The following EPN2 variants were observed in gnomAD, a reference collection of about 807,000 sequenced individuals.
EPN2 encodes the protein epsin 2.
A neutral mutation model predicts 61.7 loss-of-function variants in EPN2; 34 were observed. The ratio of observed to expected loss-of-function variants is 0.55; its 90% CI spans 0.42 to 0.73. EPN2 has a LOEUF of 0.73. Ranked by LOEUF, EPN2 falls within the 30% of genes least tolerant of loss-of-function variation. The pLI, the probability that EPN2 is intolerant of heterozygous loss-of-function variation, is 0.00. For synonymous variants in EPN2, 349 were observed against 353.6 expected, an observed-to-expected ratio of 0.99 and a Z score of 0.15; for missense variants, 714 against 839.2, an observed-to-expected ratio of 0.85 and a Z score of 1.84.
At chr17:19,255,872 C>T (rs2152205199) in intron 1 of EPN2, among the ~76,000 whole-genome samples, 1 of 151,154 alleles carries the variant, frequency 6.6e-6, no homozygotes, top group East Asian at 2.0e-4. Flanking sequence ...ATCCTTCTGT[C>T]TCGGCCCCCC....
intron 5 of EPN2, 26 bp downstream of exon 5, chr17:19,310,023 T>C: frequency 6.7e-7 from 1 of 1,484,586 alleles, no homozygotes; most frequent in Non-Finnish European, 9.3e-7. Flanking sequence ...AGGTCTGCAC[T>C]GCATTGACTG....
At chr17:19,300,892 AC>A (rs993722832) in intron 4 of EPN2, among the ~76,000 whole-genome samples, 1 of 151,736 alleles carries the variant, frequency 6.6e-6, no homozygotes, top group Non-Finnish European at 1.5e-5. Flanking sequence ...AAACGGATGG[AC>A]CCCCTGCCCT....
intron 1 of EPN2, among the ~76,000 whole-genome samples, chr17:19,278,533 C>A (rs1440689390): frequency 1.3e-5 from 2 of 152,150 alleles, no homozygotes. Flanking sequence ...AAAGACTGGC[C>A]CGCATAATTC....
intron 7 of EPN2, among the ~76,000 whole-genome samples, chr17:19,316,893 T>C (rs1906410560): frequency 6.6e-6 from 1 of 152,254 alleles, no homozygotes; most frequent in African/African-American, 2.4e-5. Context: ...GTTGACCAGC[T>C]CTGCAGGAGA....
At chr17:19,326,459 G>C (rs1362662263) in intron 7 of EPN2, among the ~76,000 whole-genome samples, 2 of 152,076 alleles carry the variant, frequency 1.3e-5, no homozygotes, top group Non-Finnish European at 2.9e-5. Flanking sequence ...GGCCAAGGCG[G>C]GCAGATCACA....
Position 19,285,926 on chromosome 17 carries a change from G to T in EPN2, c.766+136G>T. On this transcript the variant is annotated intron_variant, in intron 4 of 10. Coordinates refer to ENST00000314728, the MANE Select transcript of EPN2 (RefSeq NM_014964.5). The surrounding 1 kb of genome is among the most constrained non-coding windows in gnomAD (Gnocchi z 4.5). ...GGTTTGGCCTCCAGCAGGCCCAGGA[G>T]CCCTTTCTTCCTCTCTCCTGGGAGC... The T allele has an allele frequency of 7.1e-7, 1 of 1,400,512 alleles. No homozygotes were observed. 86.8% of individuals were successfully genotyped at this position (1,400,512 alleles called of 1,614,324 possible). A position where few individuals can be genotyped will look rare whatever the true frequency, so the allele number is the denominator to read the frequency against.
chr17:19,279,656 T>C (rs1038263598), intron 1 of EPN2, among the ~76,000 whole-genome samples: 1 of 151,674 alleles, frequency 6.6e-6, no homozygotes, highest in African/African-American at 2.4e-5. Flanking sequence ...AGGATGGTCT[T>C]GATCTCCTGA....
At chr17:19,273,199 C>T (rs528285098) in intron 1 of EPN2, 1 of 152,330 alleles carries the variant, frequency 6.6e-6, no homozygotes, top group African/African-American at 2.4e-5. Context: ...TACTCCCCTT[C>T]AGGAGCCTCT....
chr17:19,244,229 C>T (rs766953336), intron 1 of EPN2, among the ~76,000 whole-genome samples: 8 of 152,118 alleles, frequency 5.3e-5, no homozygotes, highest in African/African-American at 7.2e-5. Flanking sequence ...GAGGCTGAGG[C>T]TGGTGGATCA....
intron 7 of EPN2, among the ~76,000 whole-genome samples, chr17:19,327,725 A>G (rs767840711): frequency 3.9e-5 from 6 of 152,188 alleles, no homozygotes; most frequent in Non-Finnish European, 5.9e-5. Flanking sequence ...TACATAATAT[A>G]TATGTGTGTG....
At chr17:19,317,974 A>G (rs978730262) in intron 7 of EPN2, among the ~76,000 whole-genome samples, 3 of 152,204 alleles carry the variant, frequency 2.0e-5, no homozygotes, top group African/African-American at 7.2e-5. Flanking sequence ...GCACACAGCA[A>G]AGAAGGAGGT....
In EPN2 at chr17:19,284,620, C is replaced by T. The variant is rs375713526; in HGVS notation, c.595+906C>T. Among the ~76,000 whole-genome samples the T allele has an allele frequency of 2.6e-5, 4 of 152,306 alleles. No homozygotes were observed. The South Asian group carries it at 8.3e-4, about 32-fold the overall frequency. On this transcript the variant is annotated intron_variant, in intron 3 of 10. Coordinates refer to ENST00000314728, the MANE Select transcript of EPN2 (RefSeq NM_014964.5). ...GTGCAGATCCCTAGTAACACTATGT[C>T]AGCATAGCAGAAAACTTCTTTTTAA...
chr17:19,279,157 C>T (rs1717046803), intron 1 of EPN2, among the ~76,000 whole-genome samples: 1 of 152,228 alleles, frequency 6.6e-6, no homozygotes, highest in Non-Finnish European at 1.5e-5. Context: ...GAGAAAGCCC[C>T]TGCCTTGGTC....
rs199887915 is a variant in EPN2, at chr17:19,283,386, C to T, written c.267C>T (p.Ser89=). The change falls in exon 3 of 11, where the codon TCC becomes TCT. Residue 89 remains serine, a synonymous_variant. Coordinates refer to ENST00000314728, the MANE Select transcript of EPN2 (RefSeq NM_014964.5). This position sits in a 1 kb window ranked among gnomAD's most constrained non-coding sequence, Gnocchi z 7.0. ...TLLDYLIKTG[S]ERVAQQCREN... ...TGGACTACCTCATCAAGACAGGCTC[C>T]GAACGTGTGGCCCAGCAGTGCCGGG... 7.2e-5 allele frequency: 117 copies of T among 1,614,138 alleles called. No individual in the cohort carries two copies. The East Asian group carries it at 2.4e-3, about 33-fold the overall frequency.
intron 1 of EPN2, among the ~76,000 whole-genome samples, chr17:19,250,014 CT>C (rs2044996597): frequency 6.6e-6 from 1 of 152,130 alleles, no homozygotes; most frequent in Non-Finnish European, 1.5e-5. Context: ...CCCACTTCCA[CT>C]TTTAAGGATC....
At chr17:19,255,932 T>A (rs2045072334) in intron 1 of EPN2, among the ~76,000 whole-genome samples, 1 of 151,832 alleles carries the variant, frequency 6.6e-6, no homozygotes, top group South Asian at 2.1e-4. Context: ...CCCTCCTGTT[T>A]TTTATTTTTT....
At chr17:19,311,445 G>C (rs1402626446) in intron 5 of EPN2, among the ~76,000 whole-genome samples, 1 of 151,954 alleles carries the variant, frequency 6.6e-6, no homozygotes, top group Non-Finnish European at 1.5e-5. Context: ...AATACCATGA[G>C]ACCCTATCTC....
intron 7 of EPN2, among the ~76,000 whole-genome samples, chr17:19,328,498 A>G (rs1409771969): frequency 6.6e-6 from 1 of 152,078 alleles, no homozygotes; most frequent in African/African-American, 2.4e-5. Flanking sequence ...ATCCTGGGAC[A>G]TCCTGGCCTA....
At position 19,285,585 on chromosome 17, in the gene EPN2, C is replaced by G. The variant is rs1243656471; in HGVS notation, c.596-35C>G. 5.4e-6 allele frequency: 8 copies of G among 1,470,492 alleles called. No individual in the cohort carries two copies. Among genetic ancestry groups the G allele is most frequent in the Non-Finnish European group, 7.2e-6 (8 of 1,104,914 alleles). 91.1% of individuals were successfully genotyped at this position (1,470,492 alleles called of 1,614,324 possible). On this transcript the variant is annotated intron_variant, in intron 3 of 10. Transcript: ENST00000314728. This position sits in a 1 kb window ranked among gnomAD's most constrained non-coding sequence, Gnocchi z 4.5. Reference sequence around the variant, plus strand: ...TGCTGCGCACCCTCTAATGGCGTGTCTCTCTGTGTGTGTGTGTGTGTCCCT... The same window carrying G: ...TGCTGCGCACCCTCTAATGGCGTGTGTCTCTGTGTGTGTGTGTGTGTCCCT...
Sources: gnomAD v4.1 joint callset for allele counts (sites outside exome capture counted in the v4.1 genomes callset) on GRCh38, gnomAD v4.1.1 for gene constraint, Gnocchi (gnomAD v3.1) non-coding constraint, MANE v1.5 for transcripts, NCBI Gene and HGNC (gene_info 2026-07-23, HGNC 2026-07-21) for gene names.